CFHR4: variants seen among roughly 807,000 people sequenced by gnomAD.
CFHR4 encodes the protein complement factor H-related protein 4.
Under a neutral mutation model 69.3 loss-of-function variants are expected in CFHR4, and 64 were observed. The observed-to-expected ratio is 0.92, with a 90% CI of 0.76 to 1.14. The LOEUF is 1.14. Ranked by LOEUF, CFHR4 falls within the 50% of genes most tolerant of loss-of-function variation. The pLI is 0.00. For synonymous variants in CFHR4, 244 were observed against 237.0 expected (o/e 1.03, Z -0.27); for missense variants, 636 against 684.9 (o/e 0.93, Z 0.80).
chr1:196,899,414 C>G lies in CFHR4; in HGVS notation c.59-3004C>G, dbSNP rs1395412559. On this transcript the variant is annotated intron_variant, in intron 1 of 9. Coordinates refer to ENST00000608469, the MANE Select transcript of CFHR4 (RefSeq NM_001201550.3). Reference sequence around the variant, plus strand: ...GCTCAAATGATCTTCCCACTGCAACCTCCTAAGCAGTTGGGAATATAGGCA... The same window carrying G: ...GCTCAAATGATCTTCCCACTGCAACGTCCTAAGCAGTTGGGAATATAGGCA... 5.9e-5 allele frequency among the ~76,000 whole-genome samples: 9 copies of G among 151,482 alleles called. 1 individual carries two copies. The highest frequency in any genetic ancestry group is 2.2e-4 in the African/African-American group (9 of 41,006).
rs556526100 is a variant in CFHR4 at position 196,915,047 on chromosome 1, C to T, written c.1449C>T (p.Val483=). ...LLKVYVPQSR[V]EYQCQSYYEL... is the part of the protein sequence containing the mutation. ...AAGTGTATGTGCCACAGTCAAGAGT[C>T]GAGTACCAATGCCAGTCCTACTATG... Residue 483 remains valine (V), a synonymous_variant, in exon 9 of 10, where the codon GTC becomes GTT. Transcript: ENST00000608469. 6.8e-6 allele frequency: 11 copies of T among 1,613,300 alleles called. No homozygotes were observed. In the South Asian group the frequency reaches 9.9e-5, roughly 14 times the overall value.
At chr1:196,902,325 G>A in intron 1 of CFHR4, 93 bp from the exon 2 acceptor site, 1 of 907,628 alleles carries the variant, frequency 1.1e-6, no homozygotes, top group East Asian at 2.7e-5. Flanking sequence ...ATTACACTAA[G>A]AAGAGAATAT....
At chr1:196,893,210 A>C (rs1184960911) in intron 1 of CFHR4, among the ~76,000 whole-genome samples, 1 of 151,772 alleles carries the variant, frequency 6.6e-6, no homozygotes, top group African/African-American at 2.4e-5. Context: ...TAGCGTAAGA[A>C]GCATGCAAAA....
At chr1:196,912,334 C>T (rs1196209752) in intron 6 of CFHR4, among the ~76,000 whole-genome samples, 6 of 151,204 alleles carry the variant, frequency 4.0e-5, no homozygotes, top group Non-Finnish European at 8.8e-5. Context: ...CAGTGTGTAC[C>T]GTATCTTTGC....
chr1:196,918,148 C>A (rs1446122199), intron 9 of CFHR4, 62 bp from the exon 10 acceptor site: 18 of 1,515,912 alleles, frequency 1.2e-5, no homozygotes, highest in Non-Finnish European at 1.6e-5. Flanking sequence ...CATTAGGATG[C>A]ATTTTATTTG....
intron 5 of CFHR4, among the ~76,000 whole-genome samples, chr1:196,909,551 A>G (rs1019604748): frequency 7.9e-5 from 12 of 151,616 alleles, no homozygotes; most frequent in Non-Finnish European, 1.8e-4. Flanking sequence ...GTACTATGTT[A>G]AGAAATTTAT....
intron 3 of CFHR4, 138 bp from the exon 4 acceptor site, chr1:196,906,723 T>C (rs1302383900): frequency 3.6e-6 from 3 of 840,610 alleles, no homozygotes; most frequent in Non-Finnish European, 5.3e-6. Context: ...AAAACACTGA[T>C]TGTCGGACTA....
At chr1:196,899,243 G>A (rs1657468135) in intron 1 of CFHR4, among the ~76,000 whole-genome samples, 2 of 150,500 alleles carry the variant, frequency 1.3e-5, no homozygotes, top group Non-Finnish European at 2.9e-5. Context: ...ATCTTGCAGT[G>A]CATTGTAAAG....
In CFHR4 at chr1:196,899,324, T is replaced by C. The variant is rs1657472892; in HGVS notation, c.59-3094T>C. On this transcript the variant is annotated intron_variant, in intron 1 of 9. Coordinates refer to ENST00000608469, the MANE Select transcript of CFHR4 (RefSeq NM_001201550.3). ...TTCCTCTTCTTTTTAAAACAAGGTC[T>C]TCCTCTGTTGCCCAGGCTGGAGTGC... Among the ~76,000 whole-genome samples the C allele has an allele frequency of 1.3e-5, 2 of 151,584 alleles. 1 individual carries two copies. The highest frequency in any genetic ancestry group is 4.9e-5 in the African/African-American group (2 of 41,102).
chr1:196,914,751 G>T (rs1384532667), intron 8 of CFHR4, 80 bp downstream of exon 8: 2 of 1,363,520 alleles, frequency 1.5e-6, no homozygotes, highest in Admixed American at 2.6e-5. Flanking sequence ...ACACATATGT[G>T]TGTACATATA....
chr1:196,888,081 A>G lies in CFHR4; in HGVS notation c.-70A>G. ...TCAGAATCACACTTGGTAACTAATA[A>G]TGAAAGATTTCAAACCCCAAACAGT... On this transcript the variant is annotated 5_prime_UTR_variant, in exon 1 of 10. It removes an upstream start codon present in the reference 5' UTR. Coordinates refer to ENST00000608469, the MANE Select transcript of CFHR4 (RefSeq NM_001201550.3). 6.7e-7 allele frequency: 1 copy of G among 1,489,938 alleles called. No homozygotes were observed. Among genetic ancestry groups the G allele is most frequent in the Non-Finnish European group, 9.3e-7 (1 of 1,072,356 alleles). 92.3% of individuals were successfully genotyped at this position (1,489,938 alleles called of 1,614,324 possible). A position where few individuals can be genotyped will look rare whatever the true frequency, so the allele number is the denominator to read the frequency against.
Position 196,907,711 on chromosome 1 carries a change from T to G in CFHR4, c.799+213T>G, listed in dbSNP as rs994203933. On this transcript the variant is annotated intron_variant, in intron 5 of 9. Transcript: ENST00000608469. ...CAAAGTTTCCTTTTAAAAACAGGAATGTTCAGAGACCTCAATTTGTTAATG... is the reference window on the plus strand; with the variant it reads ...CAAAGTTTCCTTTTAAAAACAGGAAGGTTCAGAGACCTCAATTTGTTAATG... Among the ~76,000 whole-genome samples the G allele has an allele frequency of 2.6e-5, 4 of 151,480 alleles. 1 individual carries two copies. Among genetic ancestry groups the G allele is most frequent in the African/African-American group, 9.7e-5 (4 of 41,074 alleles).
intron 3 of CFHR4, 61 bp downstream of exon 3, chr1:196,905,351 T>A: frequency 6.3e-7 from 1 of 1,589,454 alleles, no homozygotes; most frequent in Non-Finnish European, 8.6e-7. Flanking sequence ...TTTGAGGTGA[T>A]AGTGTTTTAC....
chr1:196,915,931 G>T lies in CFHR4; in HGVS notation c.1540+793G>T, dbSNP rs143463272. 3.9e-3 allele frequency among the ~76,000 whole-genome samples: 594 copies of T among 151,392 alleles called. 20 individuals are homozygous for T. Among genetic ancestry groups the T allele is most frequent in the African/African-American group, 0.014 (558 of 41,092 alleles). On this transcript the variant is annotated intron_variant, in intron 9 of 9. Coordinates refer to ENST00000608469, the MANE Select transcript of CFHR4 (RefSeq NM_001201550.3). Reference sequence around the variant, plus strand: ...CTCCTTGAAAACATGAAATTTTTCCGGATAGAATACATAGCTGGTTAACAC... The same window carrying T: ...CTCCTTGAAAACATGAAATTTTTCCTGATAGAATACATAGCTGGTTAACAC...
At position 196,913,488 on chromosome 1, in the gene CFHR4, G is replaced by A. The variant is rs138743269; in HGVS notation, c.1180+566G>A. On this transcript the variant is annotated intron_variant, in intron 7 of 9. Transcript: ENST00000608469. ...AAAAGGGTAGGTGGGTGGGCTGAAT[G>A]TTTACAAACCTCCTACCTGCCAATG... 3.0e-4 allele frequency among the ~76,000 whole-genome samples: 46 copies of A among 151,462 alleles called. No individual in the cohort carries two copies. The East Asian group carries it at 8.7e-3, about 29-fold the overall frequency.
At chr1:196,914,757 A>G in intron 8 of CFHR4, 86 bp downstream of exon 8, 3 of 1,405,330 alleles carry the variant, frequency 2.1e-6, no homozygotes, top group Non-Finnish European at 2.8e-6. Context: ...ATGTGTGTAC[A>G]TATATGTACA....
rs909524430 is a variant in CFHR4, at chr1:196,905,789, T to A, written c.439+499T>A. 9.9e-5 allele frequency among the ~76,000 whole-genome samples: 15 copies of A among 151,412 alleles called. 1 individual carries two copies. The highest frequency in any genetic ancestry group is 2.2e-4 in the Non-Finnish European group (15 of 67,906). On this transcript the variant is annotated intron_variant, in intron 3 of 9. Coordinates refer to ENST00000608469, the MANE Select transcript of CFHR4 (RefSeq NM_001201550.3). The stretch of plus-strand genomic sequence containing the variant: ...AACTGAGGAGAACCAACTCAAAAAA[T>A]TATTTCCAGCTTATTGTCTAGTACA...
rs568575646 is a variant in CFHR4, at chr1:196,899,220, CTT to C, written c.59-3189_59-3188del. 1.1e-3 allele frequency among the ~76,000 whole-genome samples: 160 copies of C among 149,118 alleles called. 7 individuals are homozygous for C. Among genetic ancestry groups the C allele is most frequent in the African/African-American group, 3.6e-3 (147 of 40,450 alleles). On this transcript the variant is annotated intron_variant, in intron 1 of 9. Coordinates refer to ENST00000608469, the MANE Select transcript of CFHR4 (RefSeq NM_001201550.3). Reference sequence around the variant, plus strand: ...TTTTTTCTGTCTCTACAAACATATTCTTTTTTTTTTCTATCTTGCAGTGCATT... The same window carrying C: ...TTTTTTCTGTCTCTACAAACATATTCTTTTTTTTCTATCTTGCAGTGCATT...
At chr1:196,914,456 T>G (rs1291491773) in intron 7 of CFHR4, 39 bp from the exon 8 acceptor site, 1 of 1,584,796 alleles carries the variant, frequency 6.3e-7, no homozygotes, top group Non-Finnish European at 8.6e-7. Context: ...GTGCATCGTA[T>G]GGCATAGAAA....
Sources: gnomAD v4.1 joint callset for allele counts (sites outside exome capture counted in the v4.1 genomes callset) on GRCh38, gnomAD v4.1.1 for gene constraint, MANE v1.5 for transcripts, NCBI Gene and HGNC (gene_info 2026-07-23, HGNC 2026-07-21) for gene names.